The following KDSR variants were observed in gnomAD, a reference collection of about 807,000 sequenced individuals.
KDSR encodes the protein 3-ketodihydrosphingosine reductase, also known as 3-dehydrosphinganine reductase.
Under a neutral mutation model 41.3 loss-of-function variants are expected in KDSR, and 23 were observed. That is an observed-to-expected ratio of 0.56 (90% confidence interval 0.40 to 0.79). The LOEUF (loss-of-function observed/expected upper bound fraction) is 0.79. Among genes scored for constraint, KDSR ranks in the 30% least tolerant of loss-of-function variants. KDSR has a pLI of 0.00. For missense variants in KDSR, 351 were observed against 416.8 expected (o/e 0.84, Z 1.37); for synonymous variants, 138 against 151.7 (o/e 0.91, Z 0.66).
rs113715254 is a variant in KDSR, at chr18:63,339,353, G to A, written c.694-470C>T. On this transcript the variant is annotated intron_variant, in intron 7 of 9. Coordinates refer to ENST00000645214, the MANE Select transcript of KDSR (RefSeq NM_002035.4). ...GCTGATCCCTGGGGATGAACCTGGCGCCCAAGGCAGGGACAGTCGCAACCC... is the reference window on the plus strand; with the variant it reads ...GCTGATCCCTGGGGATGAACCTGGCACCCAAGGCAGGGACAGTCGCAACCC... Among the ~76,000 whole-genome samples, 860 of 152,340 alleles carry A rather than the reference G, an allele frequency of 5.6e-3. 8 individuals carry two copies. The highest frequency in any genetic ancestry group is 0.019 in the African/African-American group (770 of 41,578).
At chr18:63,343,087 G>C (rs1237835710) in intron 7 of KDSR, among the ~76,000 whole-genome samples, 1 of 152,186 alleles carries the variant, frequency 6.6e-6, no homozygotes, top group Non-Finnish European at 1.5e-5. Context: ...AGACTGTACA[G>C]CCTGTGGAAC....
At chr18:63,332,553 C>T (rs950598073) in intron 9 of KDSR, among the ~76,000 whole-genome samples, 5 of 152,152 alleles carry the variant, frequency 3.3e-5, no homozygotes, top group Admixed American at 1.3e-4. Context: ...AAAATCAGGC[C>T]GGGCGCGGTG....
intron 6 of KDSR, 54 bp downstream of exon 6, chr18:63,350,834 A>G: frequency 8.0e-7 from 1 of 1,256,970 alleles, no homozygotes; most frequent in Non-Finnish European, 1.1e-6. Flanking sequence ...ACTAAAGCGG[A>G]ATGTATATTG....
At chr18:63,347,315 G>A (rs2144361838) in intron 6 of KDSR, among the ~76,000 whole-genome samples, 1 of 151,990 alleles carries the variant, frequency 6.6e-6, no homozygotes, top group East Asian at 1.9e-4. Flanking sequence ...GGCCAACATG[G>A]TGAAACCCCA....
At chr18:63,359,149 A>AGATTGAGT (rs1914889286) in intron 3 of KDSR, among the ~76,000 whole-genome samples, 6 of 141,398 alleles carry the variant, frequency 4.2e-5, no homozygotes, top group Non-Finnish European at 9.0e-5. Flanking sequence ...CCTGCACTCC[A>AGATTGAGT]GCCTGGATGA....
chr18:63,330,636 C>T lies in KDSR; in HGVS notation c.*1146G>A. On this transcript the variant is annotated 3_prime_UTR_variant, in exon 10 of 10. Coordinates refer to ENST00000645214, the MANE Select transcript of KDSR (RefSeq NM_002035.4). ...TTTCAAAAGCAACTCTCTTCAAAAT[C>T]AGCCTTGTCTTTTTTTCTTAATGAG... The T allele has an allele frequency of 4.3e-6, 1 of 231,660 alleles. No homozygotes were observed. Among genetic ancestry groups the T allele is most frequent in the Non-Finnish European group, 8.5e-6 (1 of 117,128 alleles). The allele number at this position is 231,660 out of a possible 1,614,324, so 14.4% of individuals were successfully genotyped here. A position where few individuals can be genotyped will look rare whatever the true frequency, so the allele number is the denominator to read the frequency against.
chr18:63,359,310 G>A (rs946154829), intron 3 of KDSR, among the ~76,000 whole-genome samples: 7 of 151,966 alleles, frequency 4.6e-5, no homozygotes, highest in African/African-American at 1.7e-4. Flanking sequence ...GGGCTTCAGA[G>A]ACCCTGATCA....
intron 7 of KDSR, among the ~76,000 whole-genome samples, chr18:63,342,877 T>A (rs1372818229): frequency 6.6e-6 from 1 of 152,178 alleles, no homozygotes; most frequent in African/African-American, 2.4e-5. Flanking sequence ...AGGAGGGACC[T>A]GGTGGGAGGT....
intron 6 of KDSR, among the ~76,000 whole-genome samples, chr18:63,349,637 C>T (rs1204197938): frequency 1.3e-5 from 2 of 152,248 alleles, no homozygotes; most frequent in African/African-American, 2.4e-5. Context: ...TCAGGACTGT[C>T]GCTGTCCCAG....
chr18:63,331,844 T>G lies in KDSR; in HGVS notation c.937A>C (p.Ser313Arg). ...IALFYLGSFD[S>R]IVRRCMMQRE... The stretch of plus-strand genomic sequence containing the variant: ...TGCATCATGCAGCGACGAACTATGC[T>G]GTCAAAACTTCCAAGGTAAAACAAA... Residue 313 changes from serine (S) to arginine (R), a missense_variant, in exon 10 of 10, where the codon AGC becomes CGC. Transcript: ENST00000645214. The G allele has an allele frequency of 6.2e-7, 1 of 1,613,958 alleles. No homozygotes were observed. Among genetic ancestry groups the G allele is most frequent in the Non-Finnish European group, 8.5e-7 (1 of 1,179,910 alleles).
intron 7 of KDSR, among the ~76,000 whole-genome samples, chr18:63,340,361 TA>T (rs1233540313): frequency 1.3e-5 from 2 of 152,110 alleles, no homozygotes; most frequent in Non-Finnish European, 2.9e-5. Flanking sequence ...GAGAAAAGAA[TA>T]GGGGGAAAAA....
At chr18:63,355,337 G>A in intron 4 of KDSR, 38 bp from the exon 5 acceptor site, 1 of 1,605,302 alleles carries the variant, frequency 6.2e-7, no homozygotes, top group Non-Finnish European at 8.5e-7. Context: ...AAGAAACAGA[G>A]AAGAAAAACC....
At chr18:63,339,273 G>T (rs1387412280) in intron 7 of KDSR, among the ~76,000 whole-genome samples, 1 of 152,122 alleles carries the variant, frequency 6.6e-6, no homozygotes, top group African/African-American at 2.4e-5. Context: ...TCCAGAGCAA[G>T]CCTGCTCCCA....
intron 5 of KDSR, among the ~76,000 whole-genome samples, chr18:63,352,323 T>C (rs575824721): frequency 2.0e-5 from 3 of 152,244 alleles, no homozygotes; most frequent in African/African-American, 7.2e-5. Flanking sequence ...TGTTTGTTTG[T>C]ATTTGTTTGA....
At chr18:63,341,471 A>AC (rs1221377205) in intron 7 of KDSR, among the ~76,000 whole-genome samples, 1 of 151,146 alleles carries the variant, frequency 6.6e-6, no homozygotes, top group Non-Finnish European at 1.5e-5. Flanking sequence ...GGCCCAAGAG[A>AC]TTAAAAAAAA....
rs556015335 is a variant in KDSR at position 63,348,111 on chromosome 18, C to T, written c.609+2777G>A. Among the ~76,000 whole-genome samples the T allele has an allele frequency of 1.3e-4, 20 of 151,750 alleles. No homozygotes were observed. The East Asian group carries it at 2.9e-3, about 22-fold the overall frequency. On this transcript the variant is annotated intron_variant, in intron 6 of 9. Transcript: ENST00000645214. Reference sequence around the variant, plus strand: ...AGACCAGCCCAGGCAACATAGCGAGCGAGACCCCATGTCTACAAAAAATAA... The same window carrying T: ...AGACCAGCCCAGGCAACATAGCGAGTGAGACCCCATGTCTACAAAAAATAA...
In KDSR at chr18:63,350,933, T is replaced by G. The variant is rs763042491; in HGVS notation, c.564A>C (p.Ala188=). ...CCAATCCCCTTATGGCAAACTTGGA[T>G]GCAGAGTAGGCTGTGAAACCGAATA... ...LGLFGFTAYS[A]SKFAIRGLAE... Residue 188 remains alanine, a synonymous_variant, in exon 6 of 10, where the codon GCA becomes GCC. Coordinates refer to ENST00000645214, the MANE Select transcript of KDSR (RefSeq NM_002035.4). The G allele has an allele frequency of 8.1e-6, 13 of 1,614,048 alleles. No homozygotes were observed. The South Asian group carries it at 1.4e-4, about 18-fold the overall frequency.
intron 2 of KDSR, among the ~76,000 whole-genome samples, chr18:63,361,853 A>G (rs1459415090): frequency 2.6e-5 from 4 of 152,160 alleles, no homozygotes; most frequent in Non-Finnish European, 4.4e-5. Flanking sequence ...ATAGAGGTCC[A>G]AGACTAAGTC....
intron 3 of KDSR, among the ~76,000 whole-genome samples, chr18:63,356,582 T>G (rs570300124): frequency 2.0e-5 from 3 of 152,106 alleles, no homozygotes; most frequent in Non-Finnish European, 2.9e-5. Context: ...GGCAGAAGGA[T>G]CAAGCTCATT....
Sources: allele counts gnomAD v4.1 joint callset (sites outside exome capture counted in the v4.1 genomes callset), GRCh38; gene constraint gnomAD v4.1.1; transcripts MANE v1.5; gene names NCBI Gene and HGNC (gene_info 2026-07-23, HGNC 2026-07-21).